DOCK1: variants seen among roughly 807,000 people sequenced by gnomAD.
The protein encoded by DOCK1 is dedicator of cytokinesis 1.
DOCK1 carries 138 observed loss-of-function variants against 262.7 expected under a neutral mutation model. The ratio of observed to expected loss-of-function variants is 0.53; its 90% confidence interval spans 0.46 to 0.61. The LOEUF (loss-of-function observed/expected upper bound fraction) is 0.61. DOCK1 is among the 20% of genes least tolerant of loss of function. The pLI is 0.00. For synonymous variants in DOCK1, 866 were observed against 867.4 expected (o/e 1.00, Z 0.03); for missense variants, 1,908 against 2,370.7 (o/e 0.80, Z 4.05).
chr10:127,050,300 CAG>C (rs2044631932), intron 21 of DOCK1, among the ~76,000 whole-genome samples: 1 of 150,936 alleles, frequency 6.6e-6, no homozygotes, highest in African/African-American at 2.4e-5. Context: ...CCAAATATAA[CAG>C]ATATTTCCTT....
chr10:127,043,263 C>A, intron 21 of DOCK1, 99 bp downstream of exon 21: 1 of 917,318 alleles, frequency 1.1e-6, no homozygotes, highest in Non-Finnish European at 1.7e-6. Flanking sequence ...TGTGTATTTA[C>A]TCCTGCTCAA....
At chr10:127,394,384 T>C (rs11017829) in intron 38 of DOCK1, among the ~76,000 whole-genome samples, 11,184 of 151,028 alleles carry the variant, frequency 0.074, 444 homozygotes, top group Middle Eastern at 0.12. Flanking sequence ...TTTTACATCA[T>C]TGTGTAAACT....
chr10:127,291,652 C>A (rs2061348597), intron 29 of DOCK1, among the ~76,000 whole-genome samples: 2 of 152,188 alleles, frequency 1.3e-5, no homozygotes, highest in Non-Finnish European at 2.9e-5. Flanking sequence ...AGCAGCTGAG[C>A]CTGCATCCCC....
At chr10:127,113,463 A>G (rs1445992927) in intron 25 of DOCK1, among the ~76,000 whole-genome samples, 2 of 152,168 alleles carry the variant, frequency 1.3e-5, no homozygotes, top group Non-Finnish European at 2.9e-5. Flanking sequence ...ATTTCTTTTT[A>G]TCTCCGCCTG....
intron 10 of DOCK1, among the ~76,000 whole-genome samples, chr10:127,004,784 C>CCCCCCCCCCCA (rs1554970531): frequency 1.0e-5 from 1 of 98,486 alleles, no homozygotes; most frequent in African/African-American, 3.3e-5. Flanking sequence ...CCCCCCGCCC[C>CCCCCCCCCCCA]AAAAAAAAGA....
chr10:126,988,499 A>T (rs2039568900), intron 5 of DOCK1: 3 of 152,346 alleles, frequency 2.0e-5, no homozygotes, highest in Middle Eastern at 3.4e-3. Flanking sequence ...ACGTACTGAA[A>T]AACCTAAAAG....
intron 27 of DOCK1, among the ~76,000 whole-genome samples, chr10:127,206,136 CTTTTTTTTT>C (rs34450374): frequency 3.1e-4 from 24 of 78,662 alleles, no homozygotes; most frequent in South Asian, 1.3e-3. Context: ...TTCTTCTTCT[CTTTTTTTTT>C]TTTTTTTTTT....
intron 31 of DOCK1, among the ~76,000 whole-genome samples, chr10:127,349,020 A>C (rs77735322): frequency 1.3e-5 from 2 of 152,274 alleles, no homozygotes; most frequent in East Asian, 3.9e-4. Flanking sequence ...ACCTGTGCCA[A>C]CTTCAAGTCA....
chr10:127,248,816 G>T (rs1341911297), intron 28 of DOCK1, among the ~76,000 whole-genome samples: 3 of 152,194 alleles, frequency 2.0e-5, no homozygotes, highest in Non-Finnish European at 4.4e-5. Flanking sequence ...GGGCCACACA[G>T]CAGGAGGTGA....
chr10:127,018,622 GTC>G (rs1329124820), intron 12 of DOCK1, 86 bp from the exon 13 acceptor site: 39 of 1,581,886 alleles, frequency 2.5e-5, no homozygotes, highest in African/African-American at 2.0e-4. Flanking sequence ...TGAATTAAAA[GTC>G]TCTCATTCAT....
At chr10:127,335,406 C>A (rs983141184) in intron 29 of DOCK1, among the ~76,000 whole-genome samples, 1 of 152,212 alleles carries the variant, frequency 6.6e-6, no homozygotes, top group Non-Finnish European at 1.5e-5. Context: ...TCCTCCCATC[C>A]AAACACTTGG....
chr10:127,015,615 G>C (rs1289331418), intron 12 of DOCK1, among the ~76,000 whole-genome samples: 1 of 152,110 alleles, frequency 6.6e-6, no homozygotes, highest in East Asian at 1.9e-4. Context: ...CCTGCAAGGG[G>C]CACCGTCTCT....
chr10:127,118,902 G>A (rs971689089), intron 25 of DOCK1, among the ~76,000 whole-genome samples: 1 of 152,212 alleles, frequency 6.6e-6, no homozygotes, highest in African/African-American at 2.4e-5. Context: ...CTCTGGTACT[G>A]CTAACTTTCA....
At chr10:127,324,912 A>G (rs2062691791) in intron 29 of DOCK1, among the ~76,000 whole-genome samples, 1 of 152,114 alleles carries the variant, frequency 6.6e-6, no homozygotes, top group African/African-American at 2.4e-5. Flanking sequence ...ATGGATAGTC[A>G]TCTTAGGGAA....
chr10:127,036,215 G>A (rs2043604421), intron 18 of DOCK1, among the ~76,000 whole-genome samples: 1 of 152,138 alleles, frequency 6.6e-6, no homozygotes, highest in Non-Finnish European at 1.5e-5. Flanking sequence ...GAACACTGAG[G>A]TGAAGTTACC....
Position 127,017,544 on chromosome 10 carries a change from GACACAC to G in DOCK1, c.1202-1156_1202-1151del, listed in dbSNP as rs58811944. 2.0e-5 allele frequency among the ~76,000 whole-genome samples: 3 copies of G among 150,216 alleles called. No individual in the cohort carries two copies. The East Asian group carries it at 6.0e-4, about 30-fold the overall frequency. On this transcript the variant is annotated intron_variant, in intron 12 of 51. Coordinates refer to ENST00000623213, the MANE Select transcript of DOCK1 (RefSeq NM_001290223.2). ...GTGTACAGACACACATGGACACACAGACACACACACACACATGCACAGATACAGATA... is the reference window on the plus strand; with the variant it reads ...GTGTACAGACACACATGGACACACAGACACACACATGCACAGATACAGATA...
At chr10:127,318,358 C>T (rs1354125788) in intron 29 of DOCK1, among the ~76,000 whole-genome samples, 3 of 152,106 alleles carry the variant, frequency 2.0e-5, no homozygotes, top group Non-Finnish European at 4.4e-5. Context: ...CAGGTGTGAT[C>T]CCAGCACACT....
chr10:127,355,874 C>T (rs1411295676), intron 32 of DOCK1, among the ~76,000 whole-genome samples: 1 of 152,230 alleles, frequency 6.6e-6, no homozygotes, highest in Non-Finnish European at 1.5e-5. Flanking sequence ...TTTGCATCTT[C>T]CTTGCCATTC....
At chr10:127,034,971 C>T (rs1340517938) in intron 18 of DOCK1, among the ~76,000 whole-genome samples, 1 of 152,182 alleles carries the variant, frequency 6.6e-6, no homozygotes, top group Non-Finnish European at 1.5e-5. Flanking sequence ...GTAATCCCCT[C>T]CCCAGACTGA....
Sources: gnomAD v4.1 joint callset for allele counts (sites outside exome capture counted in the v4.1 genomes callset) on GRCh38, gnomAD v4.1.1 for gene constraint, MANE v1.5 for transcripts, NCBI Gene and HGNC (gene_info 2026-07-23, HGNC 2026-07-21) for gene names.